Variants in AGBL1 observed in about 807,000 individuals in gnomAD.
AGBL1 encodes cytosolic carboxypeptidase 4.
AGBL1 carries 130 observed loss-of-function variants against 118.9 expected under a neutral mutation model. That is an observed-to-expected ratio of 1.09 (90% CI 0.95 to 1.26). AGBL1 has a LOEUF of 1.26. Ranked by LOEUF, AGBL1 falls within the 50% of genes most tolerant of loss-of-function variation. The pLI is 0.00. For synonymous variants in AGBL1, 555 were observed against 478.9 expected (o/e 1.16, Z -2.08); for missense variants, 1,584 against 1,298.1 (o/e 1.22, Z -3.38).
intron 23 of AGBL1, among the ~76,000 whole-genome samples, chr15:86,956,262 T>TAGA (rs137914134): frequency 1.0e-4 from 15 of 144,798 alleles, no homozygotes; most frequent in African/African-American, 3.8e-4. Flanking sequence ...GATAGATAGA[T>TAGA]TAGATAGATG....
At chr15:86,831,322 C>T (rs1393719429) in intron 22 of AGBL1, among the ~76,000 whole-genome samples, 1 of 152,162 alleles carries the variant, frequency 6.6e-6, no homozygotes, top group Non-Finnish European at 1.5e-5. Flanking sequence ...CTCAACAGTT[C>T]CTCAAAGTCT....
At chr15:86,699,458 G>T (rs1475640056) in intron 22 of AGBL1, among the ~76,000 whole-genome samples, 1 of 152,036 alleles carries the variant, frequency 6.6e-6, no homozygotes, top group African/African-American at 2.4e-5. Flanking sequence ...CTTGGCTACA[G>T]GATCCAGTCA....
At chr15:86,988,856 G>C (rs2081310182) in intron 24 of AGBL1, among the ~76,000 whole-genome samples, 1 of 152,020 alleles carries the variant, frequency 6.6e-6, no homozygotes, top group South Asian at 2.1e-4. Context: ...CCCCAGAATT[G>C]ACAGGGTTTT....
chr15:86,244,384 C>A (rs527631309), intron 6 of AGBL1, among the ~76,000 whole-genome samples: 2 of 152,300 alleles, frequency 1.3e-5, no homozygotes, highest in East Asian at 1.9e-4. Context: ...ATCCCAGTGA[C>A]CCTCATTTCA....
rs116548649 is a variant in AGBL1, at chr15:86,402,700, G to A, written c.2555+5154G>A. Reference sequence around the variant, plus strand: ...TGCAATAATGAATAAAAGCAGACCCGTTTCCTTTTGTGGTGATGGTGATGG... The same window carrying A: ...TGCAATAATGAATAAAAGCAGACCCATTTCCTTTTGTGGTGATGGTGATGG... On this transcript the variant is annotated intron_variant, in intron 18 of 22. Coordinates refer to ENST00000614907, the MANE Select transcript of AGBL1 (RefSeq NM_001386094.1). Among the ~76,000 whole-genome samples, 481 of 152,180 alleles carry A rather than the reference G, an allele frequency of 3.2e-3. 2 individuals are homozygous for A. Among genetic ancestry groups the A allele is most frequent in the African/African-American group, 0.01 (433 of 41,526 alleles).
intron 4 of AGBL1, among the ~76,000 whole-genome samples, chr15:86,155,072 G>A (rs2077169961): frequency 6.6e-6 from 1 of 152,124 alleles, no homozygotes; most frequent in East Asian, 1.9e-4. Context: ...TCATTGCTCA[G>A]TTGATATTTA....
At chr15:87,017,561 T>G (rs2081619844) in intron 24 of AGBL1, among the ~76,000 whole-genome samples, 1 of 152,092 alleles carries the variant, frequency 6.6e-6, no homozygotes, top group South Asian at 2.1e-4. Context: ...AAGAATAGCT[T>G]GACTGTTAAA....
intron 17 of AGBL1, among the ~76,000 whole-genome samples, chr15:86,332,405 G>C (rs1453679218): frequency 6.6e-6 from 1 of 152,090 alleles, no homozygotes; most frequent in Non-Finnish European, 1.5e-5. Flanking sequence ...CCAGCACTTT[G>C]GGAGGCTGAG....
chr15:86,796,209 A>T (rs2078568217), intron 22 of AGBL1, among the ~76,000 whole-genome samples: 1 of 152,148 alleles, frequency 6.6e-6, no homozygotes, highest in Non-Finnish European at 1.5e-5. Context: ...CAAAGACCAC[A>T]TTTGTTCCAC....
intron 5 of AGBL1, among the ~76,000 whole-genome samples, chr15:86,216,170 C>G (rs2078185074): frequency 6.6e-6 from 1 of 152,088 alleles, no homozygotes; most frequent in East Asian, 1.9e-4. Context: ...TTTCTGTACC[C>G]AAGATCACGC....
At chr15:86,514,689 C>T (rs1438865609) in intron 18 of AGBL1, among the ~76,000 whole-genome samples, 1 of 152,072 alleles carries the variant, frequency 6.6e-6, no homozygotes, top group African/African-American at 2.4e-5. Context: ...AGTCTTCTTA[C>T]CCCATTCCCA....
Position 86,618,525 on chromosome 15 carries a change from C to G in AGBL1, c.2995-55748C>G, listed in dbSNP as rs539176250. The stretch of plus-strand genomic sequence containing the variant: ...GCTCCAGACCTACTGAATGAGAATC[C>G]TTAGGGATGAGGCCTAGGGAATCTG... On this transcript the variant is annotated intron_variant, in intron 21 of 22. Coordinates refer to ENST00000614907, the MANE Select transcript of AGBL1 (RefSeq NM_001386094.1). Among the ~76,000 whole-genome samples the G allele has an allele frequency of 2.1e-3, 324 of 152,304 alleles. 1 individual carries two copies. The highest frequency in any genetic ancestry group is 7.5e-3 in the African/African-American group (312 of 41,572).
At chr15:86,672,481 G>T (rs2085763805) in intron 21 of AGBL1, among the ~76,000 whole-genome samples, 1 of 152,118 alleles carries the variant, frequency 6.6e-6, no homozygotes, top group African/African-American at 2.4e-5. Flanking sequence ...TGGAGGCTGG[G>T]GTTGCAAATG....
chr15:86,579,831 C>T (rs901155143), intron 21 of AGBL1, among the ~76,000 whole-genome samples: 2 of 152,038 alleles, frequency 1.3e-5, no homozygotes, highest in Admixed American at 6.6e-5. Context: ...TGCAATTGAC[C>T]GGACTGGATA....
chr15:86,435,223 T>C (rs2081987555), intron 18 of AGBL1, among the ~76,000 whole-genome samples: 1 of 152,218 alleles, frequency 6.6e-6, no homozygotes, highest in African/African-American at 2.4e-5. Context: ...CATATTAAAT[T>C]TTCTGTCCCT....
chr15:86,196,456 T>C (rs78744866), intron 5 of AGBL1, among the ~76,000 whole-genome samples: 4,160 of 152,266 alleles, frequency 0.027, 77 homozygotes, highest in East Asian at 0.074. Context: ...AATCCCCAAA[T>C]GTACTGTTTC....
chr15:86,556,913 G>A (rs888507182), intron 21 of AGBL1, among the ~76,000 whole-genome samples: 2 of 151,966 alleles, frequency 1.3e-5, no homozygotes, highest in Admixed American at 1.3e-4. Flanking sequence ...TTCTCCCCCA[G>A]CACACTAAGT....
intron 5 of AGBL1, among the ~76,000 whole-genome samples, chr15:86,160,421 A>T (rs1195252236): frequency 6.6e-6 from 1 of 151,838 alleles, no homozygotes; most frequent in Non-Finnish European, 1.5e-5. Flanking sequence ...CAGGGATTTC[A>T]CTCTTCTCCC....
intron 21 of AGBL1, among the ~76,000 whole-genome samples, chr15:86,589,872 C>G (rs1198285380): frequency 1.3e-5 from 2 of 152,032 alleles, no homozygotes. Flanking sequence ...GTGTATATTT[C>G]TGTATGCATT....
Sources: allele counts gnomAD v4.1 joint callset (sites outside exome capture counted in the v4.1 genomes callset), GRCh38; gene constraint gnomAD v4.1.1; transcripts MANE v1.5; gene names NCBI Gene and HGNC (gene_info 2026-07-23, HGNC 2026-07-21).